The following NAV3 variants were observed in gnomAD, a reference collection of about 807,000 sequenced individuals.
NAV3 encodes pore membrane and/or filament interacting like protein 1.
NAV3 carries 87 observed loss-of-function variants against 244.7 expected under a neutral mutation model. That is an observed-to-expected ratio of 0.36 (90% CI 0.30 to 0.42). NAV3 has a LOEUF of 0.42. Among genes scored for constraint, NAV3 ranks in the 20% least tolerant of loss-of-function variants. NAV3 has a pLI of 1.00. For missense variants in NAV3, 2,663 were observed against 2,893.3 expected (o/e 0.92, Z 1.83); for synonymous variants, 1,126 against 1,042.2 (o/e 1.08, Z -1.55).
chr12:78,088,292 G>A (rs1437506217), intron 12 of NAV3, among the ~76,000 whole-genome samples: 4 of 151,810 alleles, frequency 2.6e-5, no homozygotes, highest in Non-Finnish European at 2.9e-5. Context: ...AAATATAACA[G>A]GTTAAAATAT....
At chr12:77,969,455 C>T (rs907389654) in intron 5 of NAV3, among the ~76,000 whole-genome samples, 1 of 152,076 alleles carries the variant, frequency 6.6e-6, no homozygotes, top group Non-Finnish European at 1.5e-5. Flanking sequence ...AAGGGCAGCC[C>T]AGCTGGAAGG....
chr12:77,947,793 A>G lies in NAV3; in HGVS notation c.414+6660A>G, dbSNP rs151140130. Among the ~76,000 whole-genome samples the G allele has an allele frequency of 3.2e-3, 490 of 152,190 alleles. 2 individuals are homozygous for G. The highest frequency in any genetic ancestry group is 0.011 in the African/African-American group (470 of 41,570). On this transcript the variant is annotated intron_variant, in intron 3 of 39. Transcript: ENST00000397909. ...TACTAGTATCAGGGAATTTATATGTAAGTTATTAGAATATCACCTAAATGA... is the reference window on the plus strand; with the variant it reads ...TACTAGTATCAGGGAATTTATATGTGAGTTATTAGAATATCACCTAAATGA...
chr12:78,202,882 C>T (rs1959867788), intron 38 of NAV3, among the ~76,000 whole-genome samples: 1 of 152,030 alleles, frequency 6.6e-6, no homozygotes, highest in South Asian at 2.1e-4. Context: ...GATCCATTCC[C>T]ATGGATTTAC....
At chr12:78,088,171 C>A (rs940143714) in intron 12 of NAV3, among the ~76,000 whole-genome samples, 6 of 151,522 alleles carry the variant, frequency 4.0e-5, no homozygotes, top group Non-Finnish European at 7.4e-5. Context: ...GTGAGCAAGA[C>A]TTTATTGTTT....
intron 9 of NAV3, among the ~76,000 whole-genome samples, chr12:78,045,575 G>A (rs1378383466): frequency 1.3e-5 from 2 of 152,166 alleles, no homozygotes; most frequent in Admixed American, 6.5e-5. Context: ...TTACAGGCAT[G>A]AGCCACTGCA....
chr12:77,630,181 G>C (rs73425579), intron 2 of NAV3, among the ~76,000 whole-genome samples: 14,314 of 152,104 alleles, frequency 0.094, 1,781 homozygotes, highest in African/African-American at 0.29. Flanking sequence ...CAGAAATTCT[G>C]GGGAGGAGGA....
At chr12:78,162,880 A>AT (rs1957609206) in intron 23 of NAV3, among the ~76,000 whole-genome samples, 1 of 140,890 alleles carries the variant, frequency 7.1e-6, no homozygotes, top group Non-Finnish European at 1.5e-5. Context: ...ATATATATAT[A>AT]TAATATATAT....
intron 8 of NAV3, among the ~76,000 whole-genome samples, chr12:78,013,954 T>G (rs908024643): frequency 6.6e-6 from 1 of 152,066 alleles, no homozygotes; most frequent in Admixed American, 6.6e-5. Context: ...AACCTGTTTT[T>G]CCTGCCTGGA....
At chr12:77,812,591 C>T (rs1376870661) in intron 2 of NAV3, among the ~76,000 whole-genome samples, 1 of 151,170 alleles carries the variant, frequency 6.6e-6, no homozygotes, top group South Asian at 2.1e-4. Flanking sequence ...ATTTTTGTCT[C>T]GTTAGTAGAG....
At chr12:77,654,182 G>A (rs1037169124) in intron 2 of NAV3, among the ~76,000 whole-genome samples, 6 of 152,210 alleles carry the variant, frequency 3.9e-5, no homozygotes. Context: ...CAAGGGGTCA[G>A]GGAGTTCCCT....
At chr12:77,725,677 T>C (rs1223093761) in intron 2 of NAV3, among the ~76,000 whole-genome samples, 1 of 151,954 alleles carries the variant, frequency 6.6e-6, no homozygotes, top group Non-Finnish European at 1.5e-5. Flanking sequence ...TAAACTATTG[T>C]ATTAGTTTCC....
At chr12:77,649,326 A>G (rs711127) in intron 2 of NAV3, among the ~76,000 whole-genome samples, 24,855 of 152,046 alleles carry the variant, frequency 0.16, 3,229 homozygotes, top group African/African-American at 0.36. Flanking sequence ...TTCTATTTCT[A>G]TATAGATTTT....
At chr12:77,894,099 T>C (rs1433096805) in intron 1 of NAV3, among the ~76,000 whole-genome samples, 1 of 152,200 alleles carries the variant, frequency 6.6e-6, no homozygotes, top group Non-Finnish European at 1.5e-5. Flanking sequence ...GCTTCCTCCT[T>C]ACCTCCTGAC....
intron 12 of NAV3, among the ~76,000 whole-genome samples, chr12:78,097,820 T>C (rs1055459442): frequency 2.6e-5 from 4 of 152,168 alleles, no homozygotes; most frequent in African/African-American, 7.2e-5. Flanking sequence ...CTAAGCTTTT[T>C]TATTTTTACA....
intron 10 of NAV3, 95 bp from the exon 11 acceptor site, chr12:78,050,669 A>T (rs1484796011): frequency 1.5e-6 from 2 of 1,300,876 alleles, no homozygotes; most frequent in Non-Finnish European, 1.1e-6. Flanking sequence ...TTTATAAGAG[A>T]TGACCCTCAA....
intron 5 of NAV3, among the ~76,000 whole-genome samples, chr12:77,993,541 A>T (rs949353431): frequency 6.6e-6 from 1 of 152,178 alleles, no homozygotes; most frequent in Non-Finnish European, 1.5e-5. Flanking sequence ...AATTTATCAC[A>T]TGCCAAATGT....
intron 3 of NAV3, among the ~76,000 whole-genome samples, chr12:77,957,439 T>A (rs918343609): frequency 5.3e-5 from 8 of 152,210 alleles, no homozygotes; most frequent in Non-Finnish European, 7.3e-5. Context: ...TCATTAACTA[T>A]CCATAAGTGT....
At chr12:77,718,422 C>G (rs1389140319) in intron 2 of NAV3, among the ~76,000 whole-genome samples, 1 of 152,022 alleles carries the variant, frequency 6.6e-6, no homozygotes. Context: ...CTATTCTGCT[C>G]CATTGGTTTA....
chr12:78,196,167 A>ATTT (rs948073631), intron 34 of NAV3, among the ~76,000 whole-genome samples: 1 of 152,020 alleles, frequency 6.6e-6, no homozygotes, highest in African/African-American at 2.4e-5. Context: ...TTTTAAACAT[A>ATTT]TTTTTTTCTG....
Sources: gnomAD v4.1 joint callset for allele counts (sites outside exome capture counted in the v4.1 genomes callset) on GRCh38, gnomAD v4.1.1 for gene constraint, MANE v1.5 for transcripts, NCBI Gene and HGNC (gene_info 2026-07-23, HGNC 2026-07-21) for gene names.